FGF12: variants seen among roughly 807,000 people sequenced by gnomAD.
FGF12 encodes the protein fibroblast growth factor 12B.
In FGF12, 14 loss-of-function variants were observed where a neutral mutation model predicts 23.6. The observed-to-expected ratio is 0.59, with a 90% confidence interval of 0.39 to 0.93. The LOEUF is 0.93. FGF12 is among the 40% of genes least tolerant of loss of function. FGF12 has a pLI of 0.00. For synonymous variants in FGF12, 62 were observed against 77.3 expected (o/e 0.80, Z 1.04); for missense variants, 175 against 217.8 (o/e 0.80, Z 1.24).
rs544815765 is a variant in FGF12, at chr3:192,514,171, A to G, written c.14-153633T>C. On this transcript the variant is annotated intron_variant, in intron 2 of 5. Coordinates refer to ENST00000445105, the MANE Select transcript of FGF12 (RefSeq NM_004113.6). This position sits in a 1 kb window ranked among gnomAD's most constrained non-coding sequence, Gnocchi z 4.9. ...CAAGGACAGAAATCGCTAAATCTCC[A>G]GGGGAAACGTACCCCTAACCACCGC... 6.6e-6 allele frequency among the ~76,000 whole-genome samples: 1 copy of G among 152,334 alleles called. No homozygotes were observed. Among genetic ancestry groups the G allele is most frequent in the Non-Finnish European group, 1.5e-5 (1 of 68,034 alleles).
At chr3:192,335,658 T>G (rs1482569170) in intron 3 of FGF12, among the ~76,000 whole-genome samples, 194 bp from the exon 4 acceptor site, 1 of 152,146 alleles carries the variant, frequency 6.6e-6, no homozygotes. Flanking sequence ...CCTATGTAAC[T>G]TCAGGTAAAT....
At chr3:192,288,856 C>T (rs1381007021) in intron 4 of FGF12, among the ~76,000 whole-genome samples, 2 of 152,028 alleles carry the variant, frequency 1.3e-5, no homozygotes, top group Non-Finnish European at 2.9e-5. Context: ...GATATAAACA[C>T]TATATTTCCA....
At chr3:192,354,431 A>C (rs1718373078) in intron 3 of FGF12, among the ~76,000 whole-genome samples, 1 of 151,612 alleles carries the variant, frequency 6.6e-6, no homozygotes, top group Non-Finnish European at 1.5e-5. Context: ...AAGCACATTT[A>C]AAATAAACAA....
intron 2 of FGF12, among the ~76,000 whole-genome samples, chr3:192,580,687 A>C (rs1560157883): frequency 1.3e-5 from 2 of 152,100 alleles, no homozygotes; most frequent in African/African-American, 4.8e-5. Flanking sequence ...AGCTCTCTGT[A>C]ACCTCCGCCT....
At chr3:192,415,759 C>CAT (rs1560104859) in intron 2 of FGF12, among the ~76,000 whole-genome samples, 1 of 151,622 alleles carries the variant, frequency 6.6e-6, no homozygotes, top group African/African-American at 2.4e-5. Flanking sequence ...CACACACACA[C>CAT]ACACACACAC....
chr3:192,158,332 CTCTTTCTTTCTTTCTTTCTT>C (rs375016082), intron 5 of FGF12, among the ~76,000 whole-genome samples: 1,633 of 112,414 alleles, frequency 0.015, 29 homozygotes, highest in Middle Eastern at 0.039. Flanking sequence ...TTCTTTCTTT[CTCTTTCTTTCTTTCTTTCTT>C]TCTTTCTTTC....
intron 2 of FGF12, among the ~76,000 whole-genome samples, chr3:192,617,911 TG>T (rs1325361030): frequency 3.9e-5 from 6 of 152,076 alleles, no homozygotes; most frequent in South Asian, 2.1e-4. Context: ...CCAGAAACGC[TG>T]GGAGTACTCC....
intron 2 of FGF12, among the ~76,000 whole-genome samples, chr3:192,564,671 G>A (rs369279599): frequency 3.9e-5 from 6 of 152,224 alleles, no homozygotes; most frequent in African/African-American, 1.2e-4. Context: ...TGATCACATG[G>A]AGCACTGTTC....
At chr3:192,376,686 T>C (rs1485943477) in intron 2 of FGF12, among the ~76,000 whole-genome samples, 1 of 152,216 alleles carries the variant, frequency 6.6e-6, no homozygotes, top group African/African-American at 2.4e-5. Context: ...TTCTTCAAAA[T>C]TCACCTTTTT....
At chr3:192,596,316 C>A (rs1713853224) in intron 2 of FGF12, among the ~76,000 whole-genome samples, 1 of 151,854 alleles carries the variant, frequency 6.6e-6, no homozygotes, top group South Asian at 2.1e-4. Flanking sequence ...ATTTTAACTT[C>A]TTTGAAGGCA....
intron 2 of FGF12, among the ~76,000 whole-genome samples, chr3:192,497,038 A>G (rs1401832146): frequency 6.6e-6 from 1 of 152,212 alleles, no homozygotes; most frequent in Non-Finnish European, 1.5e-5. Context: ...CTCATGTCTC[A>G]GCCCGAGTCT....
rs143885709 is a variant in FGF12, at chr3:192,193,385, T to G, written c.229-22729A>C. Among the ~76,000 whole-genome samples the G allele has an allele frequency of 5.6e-3, 855 of 152,278 alleles. 6 individuals are homozygous for G. The highest frequency in any genetic ancestry group is 0.02 in the African/African-American group (815 of 41,566). Reference sequence around the variant, plus strand: ...CCATCACTGTCTTGGACTCCAACACTGGACTGCACAGAATACTCAGAAGGG... The same window carrying G: ...CCATCACTGTCTTGGACTCCAACACGGGACTGCACAGAATACTCAGAAGGG... On this transcript the variant is annotated intron_variant, in intron 4 of 5. Coordinates refer to ENST00000445105, the MANE Select transcript of FGF12 (RefSeq NM_004113.6).
intron 4 of FGF12, chr3:192,265,322 CT>C (rs1349026021): frequency 6.6e-6 from 1 of 152,156 alleles, no homozygotes; most frequent in African/African-American, 2.4e-5. Flanking sequence ...GTCACTCAAA[CT>C]GCAGAGACCA....
chr3:192,581,855 A>G (rs1025726097), intron 2 of FGF12, among the ~76,000 whole-genome samples: 8 of 152,174 alleles, frequency 5.3e-5, no homozygotes, highest in African/African-American at 1.7e-4. Flanking sequence ...CTAAAATATC[A>G]TTATCTTTAA....
intron 2 of FGF12, among the ~76,000 whole-genome samples, chr3:192,399,903 G>C (rs924346326): frequency 2.0e-5 from 3 of 152,208 alleles, no homozygotes; most frequent in African/African-American, 7.2e-5. Flanking sequence ...AGACTCTATA[G>C]AGTACAGTCA....
chr3:192,510,360 C>G (rs1440877591), intron 2 of FGF12, among the ~76,000 whole-genome samples: 1 of 152,116 alleles, frequency 6.6e-6, no homozygotes, highest in Non-Finnish European at 1.5e-5. Context: ...AGGTGGCAAG[C>G]AAGGATATGA....
intron 2 of FGF12, among the ~76,000 whole-genome samples, chr3:192,679,549 T>G (rs1017001254): frequency 6.6e-6 from 1 of 151,892 alleles, no homozygotes; most frequent in Non-Finnish European, 1.5e-5. Context: ...GAGGCTGCAG[T>G]GAGCTGTGAT....
chr3:192,312,037 TAA>T (rs1715975746), intron 4 of FGF12, among the ~76,000 whole-genome samples: 1 of 152,158 alleles, frequency 6.6e-6, no homozygotes, highest in African/African-American at 2.4e-5. Flanking sequence ...TACTGAGTTA[TAA>T]GAGTTCTTTA....
intron 2 of FGF12, among the ~76,000 whole-genome samples, chr3:192,662,189 C>A (rs919430048): frequency 6.6e-6 from 1 of 152,164 alleles, no homozygotes; most frequent in East Asian, 1.9e-4. Flanking sequence ...ATAGCGACTG[C>A]CTTCAAAAGA....
Sources: gnomAD v4.1 joint callset for allele counts (sites outside exome capture counted in the v4.1 genomes callset) on GRCh38, gnomAD v4.1.1 for gene constraint, Gnocchi (gnomAD v3.1) non-coding constraint, MANE v1.5 for transcripts, NCBI Gene and HGNC (gene_info 2026-07-23, HGNC 2026-07-21) for gene names.